TAF4: variants seen among roughly 807,000 people sequenced by gnomAD.
The protein encoded by TAF4 is transcription initiation factor TFIID subunit 4.
A neutral mutation model predicts 90.3 loss-of-function variants in TAF4; 9 were observed. That is an observed-to-expected ratio of 0.10 (90% CI 0.06 to 0.17). The LOEUF is 0.17. Ranked by LOEUF, TAF4 falls within the 10% of genes least tolerant of loss-of-function variation. The pLI, the probability that TAF4 is intolerant of heterozygous loss-of-function variation, is 1.00. For missense variants in TAF4, 1,351 were observed against 1,370.7 expected, an observed-to-expected ratio of 0.99 and a Z score of 0.23; for synonymous variants, 818 against 638.9, an observed-to-expected ratio of 1.28 and a Z score of -4.23.
intron 1 of TAF4, among the ~76,000 whole-genome samples, chr20:62,048,864 C>T (rs1488617908): frequency 5.3e-5 from 8 of 149,592 alleles, no homozygotes; most frequent in African/African-American, 1.7e-4. Context: ...CACATGCCCA[C>T]CTCGGTCACC....
In TAF4 at chr20:62,064,910, C is replaced by CG; in HGVS notation, c.900dup (p.Ala301ArgfsTer161). ...GCGCTGCCCCCGTTCTGGGCGGCGGCGGGGGGCGGCACGGCGGGCGCGGCG... is the reference window on the plus strand; with the variant it reads ...GCGCTGCCCCCGTTCTGGGCGGCGGCGGGGGGGCGGCACGGCGGGCGCGGCG... On this transcript the variant is annotated frameshift_variant, in exon 1 of 15. Transcript: ENST00000252996. LOFTEE classifies it high-confidence loss of function. The CG allele has an allele frequency of 7.6e-6, 5 of 657,784 alleles. No homozygotes were observed. The highest frequency in any genetic ancestry group is 6.8e-5 in the South Asian group (1 of 14,776). 40.7% of individuals were successfully genotyped at this position (657,784 alleles called of 1,614,324 possible).
At chr20:62,050,426 G>A (rs756115206) in intron 1 of TAF4, among the ~76,000 whole-genome samples, 16 of 151,988 alleles carry the variant, frequency 1.1e-4, no homozygotes, top group Non-Finnish European at 1.9e-4. Context: ...TTCCCAAAAC[G>A]CCACAATGCC....
chr20:61,999,182 T>G, intron 11 of TAF4, 74 bp from the exon 12 acceptor site: 1 of 1,566,124 alleles, frequency 6.4e-7, no homozygotes. Flanking sequence ...CTAGCACCAC[T>G]GGACCATCCG....
intron 14 of TAF4, chr20:61,979,138 C>T (rs1481925543): frequency 6.6e-6 from 1 of 152,500 alleles, no homozygotes; most frequent in Non-Finnish European, 1.5e-5. Flanking sequence ...GAACCTCCCC[C>T]TCTCTTCTCA....
At chr20:62,036,022 T>C (rs2055930331) in intron 1 of TAF4, among the ~76,000 whole-genome samples, 2 of 149,506 alleles carry the variant, frequency 1.3e-5, no homozygotes, top group Admixed American at 1.3e-4. Flanking sequence ...TAATCAAATT[T>C]CTTTTTTTTT....
intron 4 of TAF4, 41 bp from the exon 5 acceptor site, chr20:62,009,215 G>C: frequency 6.4e-7 from 1 of 1,570,956 alleles, no homozygotes; most frequent in Non-Finnish European, 8.6e-7. Flanking sequence ...AATCTTAAAA[G>C]GCAGATTTTT....
chr20:62,015,563 A>G (rs1292917063), intron 1 of TAF4, among the ~76,000 whole-genome samples: 1 of 152,154 alleles, frequency 6.6e-6, no homozygotes, highest in Admixed American at 6.5e-5. Flanking sequence ...AGGAGCTGAG[A>G]AACTAAACAC....
At chr20:62,053,033 C>T (rs991309122) in intron 1 of TAF4, among the ~76,000 whole-genome samples, 1 of 152,158 alleles carries the variant, frequency 6.6e-6, no homozygotes, top group African/African-American at 2.4e-5. Context: ...AGGCAGGTGG[C>T]AGCCCTTCCC....
At chr20:62,012,742 C>G (rs2055786568) in intron 3 of TAF4, 73 bp downstream of exon 3, 17 of 1,489,536 alleles carry the variant, frequency 1.1e-5, no homozygotes, top group Non-Finnish European at 1.5e-5. Flanking sequence ...CTCCTAAGGC[C>G]TGATCTCTGC....
intron 6 of TAF4, 60 bp downstream of exon 6, chr20:62,007,487 A>G: frequency 6.5e-7 from 1 of 1,529,750 alleles, no homozygotes; most frequent in Non-Finnish European, 9.1e-7. Context: ...CACTTGGTGC[A>G]TCTGCGCCCC....
chr20:62,056,468 T>G (rs564230867), intron 1 of TAF4, among the ~76,000 whole-genome samples: 27 of 152,212 alleles, frequency 1.8e-4, no homozygotes, highest in African/African-American at 6.3e-4. Flanking sequence ...TTGAAAATGC[T>G]CAACCCACCA....
intron 1 of TAF4, among the ~76,000 whole-genome samples, chr20:62,064,026 AGCT>A (rs1421407437): frequency 1.3e-5 from 2 of 152,244 alleles, no homozygotes; most frequent in African/African-American, 4.8e-5. Flanking sequence ...AGCAGGGGAC[AGCT>A]GCTGCCACTC....
chr20:62,056,052 C>T (rs1370624663), intron 1 of TAF4, among the ~76,000 whole-genome samples: 4 of 152,172 alleles, frequency 2.6e-5, no homozygotes, highest in Admixed American at 2.6e-4. Context: ...ACCTGGCCAA[C>T]AAGGTGAAAC....
At position 62,010,002 on chromosome 20, in the gene TAF4, C is replaced by G. The variant is rs370902242; in HGVS notation, c.1761+44G>C. 13 of 1,608,678 alleles carry G rather than the reference C, an allele frequency of 8.1e-6. No homozygotes were observed. Among genetic ancestry groups the G allele is most frequent in the Non-Finnish European group, 1.1e-5 (13 of 1,178,970 alleles). ...AGGCTGCATTTTCTGACCTGCGCCA[C>G]GGGCCTGACCGTCTTTGAAGGCACG... is the stretch of plus-strand genomic sequence containing the variant. On this transcript the variant is annotated intron_variant, in intron 4 of 14. Transcript: ENST00000252996. The surrounding 1 kb of genome is among the most constrained non-coding windows in gnomAD (Gnocchi z 4.5).
At chr20:62,051,956 G>A (rs2056030663) in intron 1 of TAF4, among the ~76,000 whole-genome samples, 1 of 152,152 alleles carries the variant, frequency 6.6e-6, no homozygotes, top group Non-Finnish European at 1.5e-5. Flanking sequence ...CTCCCACCAG[G>A]CTCTAGGGCC....
chr20:62,009,902 G>A (rs1251134073), intron 4 of TAF4, 144 bp downstream of exon 4: 3 of 1,338,418 alleles, frequency 2.2e-6, no homozygotes, highest in South Asian at 1.4e-5. Flanking sequence ...ACGTGCTCAC[G>A]TGGGCCCCAG....
At chr20:61,979,113 G>A (rs899274759) in intron 14 of TAF4, 4 of 153,182 alleles carry the variant, frequency 2.6e-5, no homozygotes, top group African/African-American at 9.7e-5. Context: ...TGAAGATGGA[G>A]TGGAGATCTC....
At chr20:62,048,147 T>C (rs2056004197) in intron 1 of TAF4, among the ~76,000 whole-genome samples, 1 of 152,196 alleles carries the variant, frequency 6.6e-6, no homozygotes, top group South Asian at 2.1e-4. Context: ...GTCAATTCCC[T>C]GTGGCTGCGA....
chr20:62,047,036 C>T (rs2055997404), intron 1 of TAF4, among the ~76,000 whole-genome samples: 1 of 152,334 alleles, frequency 6.6e-6, no homozygotes, highest in Non-Finnish European at 1.5e-5. Flanking sequence ...CGTCTGTCAA[C>T]CAGCAAAAGT....
Sources: allele counts gnomAD v4.1 joint callset (sites outside exome capture counted in the v4.1 genomes callset), GRCh38; gene constraint gnomAD v4.1.1; non-coding constraint Gnocchi (gnomAD v3.1); transcripts MANE v1.5; gene names NCBI Gene and HGNC (gene_info 2026-07-23, HGNC 2026-07-21).